LEMD1: variants seen among roughly 807,000 people sequenced by gnomAD.
The protein encoded by LEMD1 is LEM domain-containing protein 1.
In LEMD1, 18 loss-of-function variants were observed where a neutral mutation model predicts 17.4. The ratio of observed to expected loss-of-function variants is 1.04; its 90% CI spans 0.72 to 1.54. The LOEUF (loss-of-function observed/expected upper bound fraction) is 1.54, where lower values mean the gene tolerates loss of function less well. LEMD1 is among the 40% of genes most tolerant of loss of function. LEMD1 has a pLI of 0.00. For synonymous variants in LEMD1, 88 were observed against 77.8 expected, an observed-to-expected ratio of 1.13 and a Z score of -0.69; for missense variants, 195 against 210.4, an observed-to-expected ratio of 0.93 and a Z score of 0.45.
upstream of LEMD1, among the ~76,000 whole-genome samples, chr1:205,425,800 G>A (rs914138276): frequency 1.3e-5 from 2 of 152,208 alleles, no homozygotes; most frequent in Non-Finnish European, 2.9e-5. Context: ...CTGCCTAATT[G>A]CCATTCTATA....
intron 1 of LEMD1, among the ~76,000 whole-genome samples, chr1:205,443,945 A>G (rs1336365523): frequency 6.6e-6 from 1 of 152,128 alleles, no homozygotes; most frequent in African/African-American, 2.4e-5. Context: ...TTGCTCGAGC[A>G]GGAGTCCTGT....
rs544088251 is a variant in LEMD1, at chr1:205,448,037, C to G, written c.-39+1831G>C. On this transcript the variant is annotated intron_variant, in intron 1 of 3. Transcript: ENST00000367154. This position sits in a 1 kb window ranked among gnomAD's most constrained non-coding sequence, Gnocchi z 4.7. ...AGTAATTTGGCAAGGGGGAAGGAAC[C>G]GACTCAGAAAGCTCAGCACACCCTG... 4.6e-5 allele frequency among the ~76,000 whole-genome samples: 7 copies of G among 152,298 alleles called. No homozygotes were observed. Among genetic ancestry groups the G allele is most frequent in the Admixed American group, 1.3e-4 (2 of 15,304 alleles).
intron 1 of LEMD1, among the ~76,000 whole-genome samples, chr1:205,433,070 A>G (rs765731833): frequency 6.6e-5 from 10 of 151,832 alleles, no homozygotes; most frequent in Non-Finnish European, 1.5e-4. Context: ...ATTCTTCCCT[A>G]CTCTACAGTT....
chr1:205,384,744 C>A (rs1165862854), intron 4 of LEMD1, among the ~76,000 whole-genome samples: 1 of 152,112 alleles, frequency 6.6e-6, no homozygotes, highest in Non-Finnish European at 1.5e-5. Context: ...TTTAACAAAG[C>A]AAGTTGACTA....
chr1:205,389,585 T>C (rs1664233180), intron 4 of LEMD1, among the ~76,000 whole-genome samples: 1 of 152,168 alleles, frequency 6.6e-6, no homozygotes, highest in Non-Finnish European at 1.5e-5. Context: ...CCGCTGGACT[T>C]GGAGAAGTCA....
At chr1:205,390,865 C>T (rs2102353735) in intron 4 of LEMD1, among the ~76,000 whole-genome samples, 1 of 152,174 alleles carries the variant, frequency 6.6e-6, no homozygotes, top group Middle Eastern at 3.4e-3. Context: ...TTAAAATTCC[C>T]ATTTAAATAC....
chr1:205,406,175 G>A (rs9658961), intron 4 of LEMD1, among the ~76,000 whole-genome samples: 46,261 of 151,826 alleles, frequency 0.3, 7,203 homozygotes, highest in African/African-American at 0.38. Flanking sequence ...ACTTGAGGAG[G>A]CAGTCTGCCC....
upstream of LEMD1, among the ~76,000 whole-genome samples, chr1:205,426,896 G>A (rs1666064355): frequency 1.3e-5 from 2 of 152,154 alleles, no homozygotes; most frequent in Non-Finnish European, 2.9e-5. Flanking sequence ...AAGGCAGGGA[G>A]AGAGACCAAG....
upstream of LEMD1, among the ~76,000 whole-genome samples, chr1:205,423,460 A>C (rs1666013139): frequency 6.6e-6 from 1 of 152,238 alleles, no homozygotes; most frequent in Admixed American, 6.5e-5. Flanking sequence ...GCTTCCATTT[A>C]AACAGTTAGA....
rs750073856 is a variant in LEMD1, at chr1:205,419,260, C to A, written c.175G>T (p.Asp59Tyr). The A allele has an allele frequency of 6.2e-7, 1 of 1,614,098 alleles. No homozygotes were observed. Reference sequence around the variant, plus strand: ...CTGTCATCACTGTCCTGCGCTCCATCCAGCTCTCTGGGTCCATTCATCACA... The same window carrying A: ...CTGTCATCACTGTCCTGCGCTCCATACAGCTCTCTGGGTCCATTCATCACA... ...PPVMNGPREL[D>Y]GAQDSDDSEE... is the part of the protein sequence containing the mutation. Residue 59 changes from aspartate (D) to tyrosine (Y), a missense_variant, in exon 3 of 6, where the codon GAT becomes TAT. By Grantham distance (160) the Asp-to-Tyr change is radical. Transcript: ENST00000367153.
At chr1:205,431,802 C>T (rs1342339249) in intron 1 of LEMD1, among the ~76,000 whole-genome samples, 12 of 152,084 alleles carry the variant, frequency 7.9e-5, no homozygotes, top group African/African-American at 2.2e-4. Context: ...CTGCAACCTC[C>T]GCCTCCCGGG....
intron 4 of LEMD1, among the ~76,000 whole-genome samples, chr1:205,415,739 C>T (rs1389665417): frequency 6.6e-6 from 1 of 152,168 alleles, no homozygotes; most frequent in Non-Finnish European, 1.5e-5. Context: ...ATCACGCTTC[C>T]AGGAAGCTGA....
At chr1:205,394,794 C>T (rs1396213426) in intron 4 of LEMD1, among the ~76,000 whole-genome samples, 1 of 151,976 alleles carries the variant, frequency 6.6e-6, no homozygotes, top group Non-Finnish European at 1.5e-5. Context: ...TGAGACCAAC[C>T]TGACCAACGT....
At chr1:205,383,931 C>T (rs1289120271) in intron 5 of LEMD1, among the ~76,000 whole-genome samples, 2 of 151,596 alleles carry the variant, frequency 1.3e-5, no homozygotes, top group South Asian at 2.1e-4. Flanking sequence ...CCACCGCACC[C>T]GGCCTTATAT....
At position 205,419,261 on chromosome 1, in the gene LEMD1, C is replaced by A; in HGVS notation, c.174G>T (p.Leu58=). 6.2e-7 allele frequency: 1 copy of A among 1,614,234 alleles called. No homozygotes were observed. The highest frequency in any genetic ancestry group is 8.5e-7 in the Non-Finnish European group (1 of 1,180,036). ...TGTCATCACTGTCCTGCGCTCCATC[C>A]AGCTCTCTGGGTCCATTCATCACAG... ...APPVMNGPRE[L]DGAQDSDDSE... The change falls in exon 3 of 6, where the codon CTG becomes CTT. Residue 58 remains leucine, a synonymous_variant. Coordinates refer to ENST00000367153, the MANE Select transcript of LEMD1 (RefSeq NM_001199050.2).
chr1:205,419,158 T>C (rs2102436933), intron 3 of LEMD1, 72 bp downstream of exon 3: 1 of 1,556,078 alleles, frequency 6.4e-7, no homozygotes, highest in East Asian at 2.3e-5. Context: ...CATTTAAAGC[T>C]GCATAAATCA....
At position 205,448,391 on chromosome 1, in the gene LEMD1, G is replaced by A. The variant is rs1666439237; in HGVS notation, c.-39+1477C>T. 1.9e-6 allele frequency: 1 copy of A among 534,396 alleles called. No homozygotes were observed. The highest frequency in any genetic ancestry group is 3.8e-6 in the Non-Finnish European group (1 of 260,018). 33.1% of individuals were successfully genotyped at this position (534,396 alleles called of 1,614,324 possible). A position where few individuals can be genotyped will look rare whatever the true frequency, so the allele number is the denominator to read the frequency against. On this transcript the variant is annotated intron_variant, in intron 1 of 3. Transcript: ENST00000367154. This position sits in a 1 kb window ranked among gnomAD's most constrained non-coding sequence, Gnocchi z 4.7. Reference sequence around the variant, plus strand: ...TAGGAATGAAAAGCCATAGGCCACAGCAGAGTGGAGGGGTCCAGCGGCAGG... The same window carrying A: ...TAGGAATGAAAAGCCATAGGCCACAACAGAGTGGAGGGGTCCAGCGGCAGG...
intron 4 of LEMD1, among the ~76,000 whole-genome samples, chr1:205,384,614 C>A (rs1663898513): frequency 6.6e-6 from 1 of 152,144 alleles, no homozygotes; most frequent in Non-Finnish European, 1.5e-5. Flanking sequence ...ACTAGGGCCA[C>A]GTGATGAGAA....
intron 1 of LEMD1, among the ~76,000 whole-genome samples, chr1:205,433,086 C>G (rs1322309910): frequency 3.3e-5 from 5 of 152,220 alleles, no homozygotes; most frequent in Admixed American, 6.5e-5. Context: ...CAGTTGTGTT[C>G]TCTCAGGACT....
Sources: allele counts gnomAD v4.1 joint callset (sites outside exome capture counted in the v4.1 genomes callset), GRCh38; gene constraint gnomAD v4.1.1; non-coding constraint Gnocchi (gnomAD v3.1); transcripts MANE v1.5; gene names NCBI Gene and HGNC (gene_info 2026-07-23, HGNC 2026-07-21).